Variants in HCN1 observed in about 807,000 individuals in gnomAD.
HCN1 encodes potassium/sodium hyperpolarization-activated cyclic nucleotide-gated channel 1.
Under a neutral mutation model 78.9 loss-of-function variants are expected in HCN1, and 13 were observed. The observed-to-expected ratio is 0.16, with a 90% CI of 0.11 to 0.26. The LOEUF (loss-of-function observed/expected upper bound fraction) is 0.26. HCN1 is among the 10% of genes least tolerant of loss of function. The pLI, the probability that HCN1 is intolerant of heterozygous loss-of-function variation, is 1.00. For synonymous variants in HCN1, 552 were observed against 455.5 expected (o/e 1.21, Z -2.70); for missense variants, 810 against 1,154.3 (o/e 0.70, Z 4.32).
intron 5 of HCN1, among the ~76,000 whole-genome samples, chr5:45,308,642 A>C (rs1267793964): frequency 6.6e-6 from 1 of 152,078 alleles, no homozygotes; most frequent in Non-Finnish European, 1.5e-5. Context: ...ATGCATTTTC[A>C]ATTTCAGATA....
intron 6 of HCN1, among the ~76,000 whole-genome samples, chr5:45,285,888 T>G (rs1465822219): frequency 6.6e-6 from 1 of 152,016 alleles, no homozygotes; most frequent in Non-Finnish European, 1.5e-5. Flanking sequence ...CAGCACCTTA[T>G]GATTATCTTA....
At chr5:45,494,727 T>G (rs2111711001) in intron 2 of HCN1, among the ~76,000 whole-genome samples, 1 of 152,286 alleles carries the variant, frequency 6.6e-6, no homozygotes, top group African/African-American at 2.4e-5. Flanking sequence ...GTTTTTATGG[T>G]TTTAGGTCTA....
chr5:45,532,650 C>T (rs1742883958), intron 2 of HCN1, among the ~76,000 whole-genome samples: 3 of 152,168 alleles, frequency 2.0e-5, no homozygotes, highest in African/African-American at 7.2e-5. Context: ...TTATTTATAT[C>T]ACAACATATG....
chr5:45,330,993 C>T (rs1288563248), intron 5 of HCN1, among the ~76,000 whole-genome samples: 2 of 151,020 alleles, frequency 1.3e-5, no homozygotes, highest in Non-Finnish European at 3.0e-5. Flanking sequence ...TTTTGTTTTC[C>T]TTGAAATATA....
chr5:45,361,116 C>T (rs1747098020), intron 4 of HCN1, among the ~76,000 whole-genome samples: 1 of 152,180 alleles, frequency 6.6e-6, no homozygotes. Context: ...ATGATCTCAG[C>T]TCACTGCAAC....
At chr5:45,345,536 C>G (rs1746684149) in intron 5 of HCN1, among the ~76,000 whole-genome samples, 1 of 152,170 alleles carries the variant, frequency 6.6e-6, no homozygotes, top group South Asian at 2.1e-4. Context: ...ACTAGATACC[C>G]TAAATTATTT....
chr5:45,266,446 T>C (rs902455995), intron 7 of HCN1, among the ~76,000 whole-genome samples: 3 of 152,182 alleles, frequency 2.0e-5, no homozygotes, highest in African/African-American at 4.8e-5. Flanking sequence ...TAGTTTGTAA[T>C]ATAGACTCAT....
chr5:45,690,957 A>C (rs1318818104), intron 1 of HCN1, among the ~76,000 whole-genome samples: 1 of 152,074 alleles, frequency 6.6e-6, no homozygotes, highest in Non-Finnish European at 1.5e-5. Context: ...TTATATTCAG[A>C]ATGATAAGAT....
intron 5 of HCN1, among the ~76,000 whole-genome samples, chr5:45,322,871 T>C (rs980147249): frequency 6.6e-6 from 1 of 151,824 alleles, no homozygotes; most frequent in Non-Finnish European, 1.5e-5. Context: ...TCACAGCATG[T>C]AGGAAGTGAA....
intron 2 of HCN1, among the ~76,000 whole-genome samples, chr5:45,547,662 T>C (rs1743257201): frequency 6.6e-6 from 1 of 151,964 alleles, no homozygotes; most frequent in Admixed American, 6.6e-5. Context: ...TAACAAGTCA[T>C]TATTTTGTAC....
At chr5:45,554,541 A>T (rs1743432771) in intron 2 of HCN1, among the ~76,000 whole-genome samples, 1 of 151,672 alleles carries the variant, frequency 6.6e-6, no homozygotes, top group African/African-American at 2.4e-5. Flanking sequence ...TGCTCTCTTC[A>T]CTACAGAAAC....
chr5:45,319,376 G>T (rs1746074097), intron 5 of HCN1, among the ~76,000 whole-genome samples: 1 of 151,898 alleles, frequency 6.6e-6, no homozygotes, highest in Non-Finnish European at 1.5e-5. Context: ...TTAGCCATTG[G>T]TGGGTAAGTC....
chr5:45,268,444 TAACAA>T (rs899755411), intron 6 of HCN1, among the ~76,000 whole-genome samples: 12 of 152,200 alleles, frequency 7.9e-5, no homozygotes, highest in Admixed American at 7.2e-4. Flanking sequence ...TTTAGTCACC[TAACAA>T]AAGGAAATAA....
At chr5:45,436,122 CT>C (rs1352845423) in intron 3 of HCN1, among the ~76,000 whole-genome samples, 1 of 152,152 alleles carries the variant, frequency 6.6e-6, no homozygotes, top group African/African-American at 2.4e-5. Flanking sequence ...ATAGACAGCA[CT>C]TGTGTGCAAT....
At chr5:45,265,439 T>A (rs1744837024) in intron 7 of HCN1, among the ~76,000 whole-genome samples, 1 of 152,196 alleles carries the variant, frequency 6.6e-6, no homozygotes, top group South Asian at 2.1e-4. Flanking sequence ...TTGTGGGTAT[T>A]GTCTCCCTGA....
At chr5:45,381,534 C>T (rs1232175148) in intron 4 of HCN1, among the ~76,000 whole-genome samples, 3 of 152,126 alleles carry the variant, frequency 2.0e-5, no homozygotes, top group African/African-American at 7.2e-5. Flanking sequence ...ATGACAATCC[C>T]TCGTCCCTTA....
At chr5:45,593,077 A>C (rs1744407301) in intron 2 of HCN1, among the ~76,000 whole-genome samples, 1 of 152,230 alleles carries the variant, frequency 6.6e-6, no homozygotes, top group Non-Finnish European at 1.5e-5. Flanking sequence ...TTTGGAAATT[A>C]CAAATCCCTT....
At chr5:45,523,263 G>T (rs1363107576) in intron 2 of HCN1, among the ~76,000 whole-genome samples, 1 of 151,962 alleles carries the variant, frequency 6.6e-6, no homozygotes, top group Non-Finnish European at 1.5e-5. Flanking sequence ...TATCATTGTT[G>T]GACATTTGGG....
chr5:45,284,737 G>T (rs1253162007), intron 6 of HCN1, among the ~76,000 whole-genome samples: 9 of 152,076 alleles, frequency 5.9e-5, no homozygotes, highest in Non-Finnish European at 1.3e-4. Context: ...AGATCACAAT[G>T]TAGGCCATAT....
Sources: gnomAD v4.1 joint callset for allele counts (sites outside exome capture counted in the v4.1 genomes callset) on GRCh38, gnomAD v4.1.1 for gene constraint, MANE v1.5 for transcripts, NCBI Gene and HGNC (gene_info 2026-07-23, HGNC 2026-07-21) for gene names.